PLAGL1: variants seen among roughly 807,000 people sequenced by gnomAD.
The protein encoded by PLAGL1 is PLAG1 like zinc finger 1, also known as zinc finger protein PLAGL1.
PLAGL1 carries 1 observed loss-of-function variant against 4.6 expected under a neutral mutation model. The observed-to-expected ratio is 0.22, with a 90% CI of 0.08 to 1.03. The LOEUF (loss-of-function observed/expected upper bound fraction) is 1.03, where lower values mean the gene tolerates loss of function less well. Ranked by LOEUF, PLAGL1 falls within the 50% of genes least tolerant of loss-of-function variation. PLAGL1 has a pLI of 0.58. For synonymous variants in PLAGL1, 240 were observed against 237.8 expected, an observed-to-expected ratio of 1.01 and a Z score of -0.08; for missense variants, 464 against 570.4, an observed-to-expected ratio of 0.81 and a Z score of 1.90.
At position 143,982,743 on chromosome 6, in the gene PLAGL1, T is replaced by G. The variant is rs1788233689; in HGVS notation, c.-544+2392A>C. On this transcript the variant is annotated intron_variant, in intron 2 of 7. Transcript: ENST00000674357. This position sits in a 1 kb window ranked among gnomAD's most constrained non-coding sequence, Gnocchi z 5.3. ...TGTGTAGAGGGTGAGAGAGACGAAATGAGGATGCTGCAAAGGCACCTGGCC... is the reference window on the plus strand; with the variant it reads ...TGTGTAGAGGGTGAGAGAGACGAAAGGAGGATGCTGCAAAGGCACCTGGCC... 6.6e-6 allele frequency among the ~76,000 whole-genome samples: 1 copy of G among 151,900 alleles called. No homozygotes were observed. The highest frequency in any genetic ancestry group is 1.5e-5 in the Non-Finnish European group (1 of 67,954).
intron 1 of PLAGL1, among the ~76,000 whole-genome samples, chr6:144,042,408 C>G (rs1445267881): frequency 6.6e-6 from 1 of 152,174 alleles, no homozygotes; most frequent in Non-Finnish European, 1.5e-5. Context: ...CCAGTTTTCC[C>G]AGCACCATTT....
chr6:144,033,642 C>A (rs1018527844), intron 1 of PLAGL1, among the ~76,000 whole-genome samples: 1 of 152,120 alleles, frequency 6.6e-6, no homozygotes, highest in African/African-American at 2.4e-5. Context: ...ATGTGGAAAG[C>A]CAGAAGTGTA....
At position 143,953,089 on chromosome 6, in the gene PLAGL1, T is replaced by C. The variant is rs1781404470; in HGVS notation, c.-324-4629A>G. Among the ~76,000 whole-genome samples, 1 of 152,210 alleles carries C rather than the reference T, an allele frequency of 6.6e-6. No homozygotes were observed. Among genetic ancestry groups the C allele is most frequent in the Non-Finnish European group, 1.5e-5 (1 of 68,040 alleles). ...TTCTGGCTTTCTCCCTCCTGGAATG[T>C]CCTGGGAACCCTTGTCTACCTGGCA... On this transcript the variant is annotated intron_variant, in intron 6 of 7. Coordinates refer to ENST00000674357, the MANE Select transcript of PLAGL1 (RefSeq NM_001317162.2). This position sits in a 1 kb window ranked among gnomAD's most constrained non-coding sequence, Gnocchi z 5.3.
rs1781769086 is a variant in PLAGL1, at chr6:143,954,736, C to T, written c.-325+5733G>A. On this transcript the variant is annotated intron_variant, in intron 6 of 7. Transcript: ENST00000674357. This position sits in a 1 kb window ranked among gnomAD's most constrained non-coding sequence, Gnocchi z 5.1. Reference sequence around the variant, plus strand: ...ATTAGAAGTCATGGATAATACGATACAGTAAGACAATAAACTAATGAAAGG... The same window carrying T: ...ATTAGAAGTCATGGATAATACGATATAGTAAGACAATAAACTAATGAAAGG... Among the ~76,000 whole-genome samples the T allele has an allele frequency of 6.6e-6, 1 of 152,064 alleles. No individual in the cohort carries two copies. Among genetic ancestry groups the T allele is most frequent in the Non-Finnish European group, 1.5e-5 (1 of 68,024 alleles).
Position 143,950,881 on chromosome 6 carries a change from T to G in PLAGL1, c.-324-2421A>C, listed in dbSNP as rs1168163969. ...GCCTCTGAGAAACTGAAACTTTTAC[T>G]TTATTTAACTTTAATTTAAATTGCC... On this transcript the variant is annotated intron_variant, in intron 6 of 7. Coordinates refer to ENST00000674357, the MANE Select transcript of PLAGL1 (RefSeq NM_001317162.2). The surrounding 1 kb of genome is among the most constrained non-coding windows in gnomAD (Gnocchi z 6.3). Among the ~76,000 whole-genome samples the G allele has an allele frequency of 6.6e-6, 1 of 152,220 alleles. No homozygotes were observed. The highest frequency in any genetic ancestry group is 1.5e-5 in the Non-Finnish European group (1 of 68,036).
At chr6:144,020,437 G>A (rs1051500114) in intron 1 of PLAGL1, among the ~76,000 whole-genome samples, 21 of 151,836 alleles carry the variant, frequency 1.4e-4, no homozygotes, top group African/African-American at 4.8e-4. Context: ...ACAGGTGCGG[G>A]TCACCACACC....
rs529249009 is a variant in PLAGL1, at chr6:143,978,109, T to C, written c.-544+7026A>G. Among the ~76,000 whole-genome samples, 2 of 152,282 alleles carry C rather than the reference T, an allele frequency of 1.3e-5. No individual in the cohort carries two copies. The highest frequency in any genetic ancestry group is 3.4e-3 in the Middle Eastern group (1 of 294). On this transcript the variant is annotated intron_variant, in intron 2 of 7. Coordinates refer to ENST00000674357, the MANE Select transcript of PLAGL1 (RefSeq NM_001317162.2). The surrounding 1 kb of genome is among the most constrained non-coding windows in gnomAD (Gnocchi z 4.6). ...GGCTAGAGATTTATCATTTTACTGA[T>C]CTTTTCAAAGAACCAGCTTTTTATT...
At chr6:144,029,671 T>A (rs1056441261) in intron 1 of PLAGL1, among the ~76,000 whole-genome samples, 3 of 152,206 alleles carry the variant, frequency 2.0e-5, no homozygotes, top group Non-Finnish European at 2.9e-5. Context: ...AGAAAGGCAC[T>A]CTCATCTCTC....
At position 144,000,092 on chromosome 6, in the gene PLAGL1, C is replaced by T. The variant is rs1399299276; in HGVS notation, c.-584+7998G>A. On this transcript the variant is annotated intron_variant, in intron 1 of 7. Transcript: ENST00000674357. This position sits in a 1 kb window ranked among gnomAD's most constrained non-coding sequence, Gnocchi z 4.1. ...TTCAGAAAAAATACTTAATAAAATC[C>T]AATACAATTCATGATATAAAACTCT... is the stretch of plus-strand genomic sequence containing the variant. 6.6e-6 allele frequency among the ~76,000 whole-genome samples: 1 copy of T among 152,118 alleles called. No homozygotes were observed. Among genetic ancestry groups the T allele is most frequent in the African/African-American group, 2.4e-5 (1 of 41,440 alleles).
rs778075799 is a variant in PLAGL1, at chr6:144,004,680, T to C, written c.-584+3410A>G. 5.3e-5 allele frequency among the ~76,000 whole-genome samples: 8 copies of C among 152,104 alleles called. No homozygotes were observed. The highest frequency in any genetic ancestry group is 8.8e-5 in the Non-Finnish European group (6 of 68,008). ...ACAAAGGTATACACATATGTAAATT[T>C]CACCAAGCTACACACTTTTTTTTGT... On this transcript the variant is annotated intron_variant, in intron 1 of 7. Transcript: ENST00000674357. The surrounding 1 kb of genome is among the most constrained non-coding windows in gnomAD (Gnocchi z 4.2).
intron 1 of PLAGL1, among the ~76,000 whole-genome samples, chr6:144,057,805 A>C: frequency 7.0e-6 from 1 of 142,748 alleles, no homozygotes; most frequent in African/African-American, 2.6e-5. Context: ...TTACCTCTAC[A>C]TGCTTCCTCT....
chr6:143,987,860 G>A (rs1447616629), intron 1 of PLAGL1, among the ~76,000 whole-genome samples: 4 of 152,150 alleles, frequency 2.6e-5, no homozygotes, highest in Non-Finnish European at 5.9e-5. Context: ...CAAAATAGAT[G>A]TCAACGTTCT....
chr6:144,031,266 T>C (rs1332814194), intron 1 of PLAGL1, among the ~76,000 whole-genome samples: 2 of 152,244 alleles, frequency 1.3e-5, no homozygotes, highest in Non-Finnish European at 2.9e-5. Context: ...GTCAGATATA[T>C]AGGTTGTGAA....
chr6:144,025,921 C>T (rs1796310003), intron 1 of PLAGL1, among the ~76,000 whole-genome samples: 1 of 152,030 alleles, frequency 6.6e-6, no homozygotes, highest in Non-Finnish European at 1.5e-5. Context: ...ATAACACCTA[C>T]TTGCCCAAGT....
chr6:144,055,779 C>A lies in PLAGL1; in HGVS notation c.-151+8689G>T, dbSNP rs546326383. ...GTGAAAGCTACATTTACATTATTAA[C>A]GATAACAAGTCCTGGAAGAAAGAAC... On this transcript the variant is annotated intron_variant, in intron 1 of 3. Transcript: ENST00000437412. The surrounding 1 kb of genome is among the most constrained non-coding windows in gnomAD (Gnocchi z 5.0). Among the ~76,000 whole-genome samples, 2 of 152,150 alleles carry A rather than the reference C, an allele frequency of 1.3e-5. No homozygotes were observed. The highest frequency in any genetic ancestry group is 4.8e-5 in the African/African-American group (2 of 41,418).
At position 144,039,558 on chromosome 6, in the gene PLAGL1, C is replaced by G. The variant is rs967828015; in HGVS notation, c.-151+24910G>C. On this transcript the variant is annotated intron_variant, in intron 1 of 3. Transcript: ENST00000437412. The surrounding 1 kb of genome is among the most constrained non-coding windows in gnomAD (Gnocchi z 4.1). ...CCAAGATTGTGCCACTTCACTTCAGCCTGGGTGACAGAGTGAGACTGTGTC... is the reference window on the plus strand; with the variant it reads ...CCAAGATTGTGCCACTTCACTTCAGGCTGGGTGACAGAGTGAGACTGTGTC... 2.0e-5 allele frequency among the ~76,000 whole-genome samples: 3 copies of G among 152,098 alleles called. No individual in the cohort carries two copies. The highest frequency in any genetic ancestry group is 7.2e-5 in the African/African-American group (3 of 41,396).
intron 1 of PLAGL1, among the ~76,000 whole-genome samples, chr6:144,025,217 C>T (rs1222056877): frequency 1.3e-5 from 2 of 152,188 alleles, no homozygotes; most frequent in Admixed American, 6.5e-5. Context: ...ATTAAACACA[C>T]CCAAATTGAG....
chr6:144,013,080 T>C (rs1013944574), upstream of PLAGL1, among the ~76,000 whole-genome samples: 1 of 152,254 alleles, frequency 6.6e-6, no homozygotes, highest in Non-Finnish European at 1.5e-5. This position sits in a 1 kb window ranked among gnomAD's most constrained non-coding sequence, Gnocchi z 4.4. Flanking sequence ...GTCACTGTAG[T>C]AGACAGAACC....
intron 1 of PLAGL1, among the ~76,000 whole-genome samples, chr6:144,052,277 G>A (rs1417020933): frequency 6.6e-6 from 1 of 152,112 alleles, no homozygotes; most frequent in East Asian, 1.9e-4. Context: ...GGAGCAATCA[G>A]TCAATCAATC....
Sources: gnomAD v4.1 joint callset for allele counts (sites outside exome capture counted in the v4.1 genomes callset) on GRCh38, gnomAD v4.1.1 for gene constraint, Gnocchi (gnomAD v3.1) non-coding constraint, MANE v1.5 for transcripts, NCBI Gene and HGNC (gene_info 2026-07-23, HGNC 2026-07-21) for gene names.